Variants in MACROD2 observed in about 807,000 individuals in gnomAD.
MACROD2 encodes the protein ADP-ribose glycohydrolase MACROD2.
MACROD2 carries 36 observed loss-of-function variants against 70.4 expected under a neutral mutation model. The observed-to-expected ratio is 0.51, with a 90% CI of 0.39 to 0.68. The LOEUF is 0.68. MACROD2 is among the 30% of genes least tolerant of loss of function. The probability of loss-of-function intolerance (pLI) is 0.00; values close to 1 mark genes in which losing one functional copy is unlikely to be tolerated. For missense variants in MACROD2, 496 were observed against 538.4 expected, an observed-to-expected ratio of 0.92 and a Z score of 0.78; for synonymous variants, 172 against 178.8, an observed-to-expected ratio of 0.96 and a Z score of 0.30.
chr20:15,782,682 GA>G (rs2147040977), intron 8 of MACROD2, among the ~76,000 whole-genome samples: 1 of 118,952 alleles, frequency 8.4e-6, no homozygotes, highest in East Asian at 2.7e-4. Flanking sequence ...AAGGAGAGGG[GA>G]AATAGAGGGA....
rs2081963234 is a variant in MACROD2 at position 14,245,654 on chromosome 20, CT to C, written c.271+159930del. 2.0e-5 allele frequency among the ~76,000 whole-genome samples: 3 copies of C among 152,230 alleles called. No homozygotes were observed. The South Asian group carries it at 6.2e-4, about 32-fold the overall frequency. ...CAGAATTAAAGAATCTGCCAGCTTC[CT>C]TTTGAATAGGAGAGGGGTATTCCAA... On this transcript the variant is annotated intron_variant, in intron 3 of 17. Transcript: ENST00000684519.
chr20:14,054,610 AT>A (rs1471425074), intron 2 of MACROD2, among the ~76,000 whole-genome samples: 1 of 152,162 alleles, frequency 6.6e-6, no homozygotes, highest in East Asian at 1.9e-4. Context: ...GAGGGAGCCA[AT>A]AGAGTAAAAG....
At chr20:15,654,956 G>A (rs76442601) in intron 8 of MACROD2, among the ~76,000 whole-genome samples, 2,034 of 152,266 alleles carry the variant, frequency 0.013, 39 homozygotes, top group African/African-American at 0.047. Flanking sequence ...CTGGAGAGAT[G>A]AAGGTGGAGG....
At chr20:14,605,718 A>AT (rs1368787527) in intron 4 of MACROD2, among the ~76,000 whole-genome samples, 4 of 152,046 alleles carry the variant, frequency 2.6e-5, no homozygotes, top group Admixed American at 1.3e-4. Context: ...CTTTTACAGG[A>AT]TTTTTTTGTT....
At chr20:15,659,402 C>T (rs1019714499) in intron 8 of MACROD2, among the ~76,000 whole-genome samples, 6 of 141,842 alleles carry the variant, frequency 4.2e-5, no homozygotes, top group Admixed American at 7.6e-5. Flanking sequence ...GGTCTTCCTC[C>T]GCCTATCTCA....
chr20:14,090,266 A>G (rs571283050), intron 3 of MACROD2, among the ~76,000 whole-genome samples: 7 of 152,166 alleles, frequency 4.6e-5, no homozygotes, highest in Non-Finnish European at 1.0e-4. Flanking sequence ...GAACTATTCC[A>G]TTATCATAAA....
intron 9 of MACROD2, among the ~76,000 whole-genome samples, chr20:15,863,459 T>G (rs1279612260): frequency 6.6e-6 from 1 of 152,178 alleles, no homozygotes; most frequent in Non-Finnish European, 1.5e-5. Context: ...AATTTGGATG[T>G]TTTTCTCCAC....
intron 5 of MACROD2, among the ~76,000 whole-genome samples, chr20:14,764,303 C>G (rs1190981691): frequency 3.3e-5 from 5 of 152,092 alleles, no homozygotes; most frequent in African/African-American, 9.7e-5. Flanking sequence ...TAACACAAGG[C>G]CTTCAGTCCC....
intron 5 of MACROD2, among the ~76,000 whole-genome samples, chr20:15,153,713 A>C (rs1227833859): frequency 6.6e-6 from 1 of 152,140 alleles, no homozygotes; most frequent in African/African-American, 2.4e-5. Context: ...AAAATAATCT[A>C]TGTAGTCAGA....
chr20:14,636,551 A>G (rs1412026118), intron 4 of MACROD2: 1 of 152,180 alleles, frequency 6.6e-6, no homozygotes, highest in African/African-American at 2.4e-5. Flanking sequence ...CTGGAAAGCC[A>G]AATGGGTGCC....
intron 3 of MACROD2, among the ~76,000 whole-genome samples, chr20:14,319,994 C>A (rs1407705405): frequency 6.6e-6 from 1 of 152,140 alleles, no homozygotes; most frequent in African/African-American, 2.4e-5. Context: ...GTAGACATGT[C>A]CAGAGGGATA....
chr20:15,544,601 T>C (rs1012695753), intron 8 of MACROD2, among the ~76,000 whole-genome samples: 1 of 152,204 alleles, frequency 6.6e-6, no homozygotes, highest in East Asian at 1.9e-4. Context: ...ACTACATCCA[T>C]ACAGTGCTGG....
At chr20:15,654,539 C>A (rs1053429764) in intron 8 of MACROD2, among the ~76,000 whole-genome samples, 1 of 152,148 alleles carries the variant, frequency 6.6e-6, no homozygotes, top group African/African-American at 2.4e-5. Flanking sequence ...CCCTAAGCAC[C>A]CCTCCACTTG....
chr20:14,066,720 C>T (rs796533454), intron 2 of MACROD2, among the ~76,000 whole-genome samples: 4 of 152,108 alleles, frequency 2.6e-5, no homozygotes, highest in African/African-American at 9.6e-5. Context: ...AAGTTAACCT[C>T]ACAGGTTCTA....
At position 14,860,519 on chromosome 20, in the gene MACROD2, G is replaced by A. The variant is rs188040081; in HGVS notation, c.418+175560G>A. On this transcript the variant is annotated intron_variant, in intron 5 of 17. Transcript: ENST00000684519. ...GAAAACACCGCTGCACCTCCCTCCC[G>A]GCTGGAACCTGCTCTCTGTGATCTG... Among the ~76,000 whole-genome samples the A allele has an allele frequency of 1.4e-3, 213 of 152,158 alleles. 1 individual carries two copies. Among genetic ancestry groups the A allele is most frequent in the African/African-American group, 4.8e-3 (200 of 41,532 alleles).
intron 5 of MACROD2, among the ~76,000 whole-genome samples, chr20:14,826,953 G>A (rs6079575): frequency 0.045 from 6,798 of 152,144 alleles, 302 homozygotes; most frequent in Non-Finnish European, 0.059. Flanking sequence ...AAATTAAGGA[G>A]TCAACACTGC....
chr20:14,472,215 G>C (rs1169188313), intron 3 of MACROD2, among the ~76,000 whole-genome samples: 1 of 152,080 alleles, frequency 6.6e-6, no homozygotes, highest in African/African-American at 2.4e-5. Flanking sequence ...TTCAATCTTT[G>C]TGAGGAATAT....
intron 8 of MACROD2, among the ~76,000 whole-genome samples, chr20:15,614,213 G>A (rs2049007763): frequency 6.6e-6 from 1 of 152,084 alleles, no homozygotes; most frequent in Non-Finnish European, 1.5e-5. Context: ...AAACAAATAG[G>A]AAACACTCAA....
At chr20:13,999,832 T>A (rs2052708781) in intron 1 of MACROD2, among the ~76,000 whole-genome samples, 2 of 152,172 alleles carry the variant, frequency 1.3e-5, no homozygotes, top group Non-Finnish European at 2.9e-5. Flanking sequence ...AATGGCTAAG[T>A]AATTTTCACT....
Sources: gnomAD v4.1 joint callset for allele counts (sites outside exome capture counted in the v4.1 genomes callset) on GRCh38, gnomAD v4.1.1 for gene constraint, MANE v1.5 for transcripts, NCBI Gene and HGNC (gene_info 2026-07-23, HGNC 2026-07-21) for gene names.